PHIP: variants seen among roughly 807,000 people sequenced by gnomAD.
The protein encoded by PHIP is PHIP subunit of CUL4-Ring ligase complex.
Under a neutral mutation model 236.8 loss-of-function variants are expected in PHIP, and 54 were observed. The observed-to-expected ratio is 0.23, with a 90% CI of 0.18 to 0.29. PHIP has a LOEUF of 0.29. PHIP is among the 10% of genes least tolerant of loss of function. PHIP has a pLI of 1.00. For synonymous variants in PHIP, 756 were observed against 718.9 expected (o/e 1.05, Z -0.83); for missense variants, 1,370 against 2,190.8 (o/e 0.63, Z 7.48).
intron 24 of PHIP, among the ~76,000 whole-genome samples, chr6:78,974,128 A>T (rs1439348868): frequency 2.0e-5 from 3 of 151,894 alleles, no homozygotes; most frequent in Non-Finnish European, 4.4e-5. Context: ...ACTTGGAAGT[A>T]AAGCTCTCCT....
chr6:78,966,634 T>C (rs536270644), intron 27 of PHIP, among the ~76,000 whole-genome samples: 144 of 152,314 alleles, frequency 9.5e-4, no homozygotes, highest in Non-Finnish European at 1.4e-3. Context: ...CAGAGGACAC[T>C]CCTTGTGTCT....
chr6:79,059,921 C>T (rs2127771953), intron 6 of PHIP, among the ~76,000 whole-genome samples: 1 of 151,986 alleles, frequency 6.6e-6, no homozygotes, highest in African/African-American at 2.4e-5. Context: ...GTGTTACACA[C>T]TATACTGGGA....
At chr6:78,957,226 A>T (rs1444263146) in intron 32 of PHIP, 1 of 152,054 alleles carries the variant, frequency 6.6e-6, no homozygotes, top group Non-Finnish European at 1.5e-5. Context: ...TTTCACTGAA[A>T]TATGAATATA....
chr6:79,014,386 CTGT>C (rs1188850191), intron 15 of PHIP, among the ~76,000 whole-genome samples: 2 of 151,612 alleles, frequency 1.3e-5, no homozygotes, highest in Non-Finnish European at 3.0e-5. Context: ...ATAGTGGAAA[CTGT>C]TTTTTCTTTT....
At chr6:79,008,379 TAA>T (rs889317773) in intron 15 of PHIP, among the ~76,000 whole-genome samples, 4 of 152,036 alleles carry the variant, frequency 2.6e-5, no homozygotes, top group African/African-American at 9.7e-5. Flanking sequence ...AATTATTATA[TAA>T]AAGTGATTCT....
intron 35 of PHIP, among the ~76,000 whole-genome samples, chr6:78,951,567 T>C (rs139501443): frequency 1.5e-4 from 23 of 152,314 alleles, no homozygotes; most frequent in African/African-American, 5.5e-4. Context: ...TGACAGTAAT[T>C]AACAAAACAA....
chr6:78,969,380 C>A (rs1767371347), intron 27 of PHIP, among the ~76,000 whole-genome samples: 1 of 152,078 alleles, frequency 6.6e-6, no homozygotes, highest in African/African-American at 2.4e-5. Flanking sequence ...AATTAATGCA[C>A]CTTAAGTGCC....
chr6:78,945,519 T>A (rs1415893872), intron 38 of PHIP, 22 bp from the exon 39 acceptor site: 2 of 1,455,020 alleles, frequency 1.4e-6, no homozygotes, highest in Non-Finnish European at 9.6e-7. Flanking sequence ...AAACAAAATT[T>A]AAAAATTAAG....
At chr6:78,962,206 C>T (rs1449690932) in intron 30 of PHIP, among the ~76,000 whole-genome samples, 1 of 151,986 alleles carries the variant, frequency 6.6e-6, no homozygotes, top group African/African-American at 2.4e-5. Flanking sequence ...CAAACGTATC[C>T]CTTTATCTCA....
chr6:78,945,224 TA>T, intron 39 of PHIP, 75 bp downstream of exon 39: 1 of 1,112,048 alleles, frequency 9.0e-7, no homozygotes, highest in Non-Finnish European at 1.4e-6. Flanking sequence ...AAAGTGGATA[TA>T]AATGCTGATT....
intron 15 of PHIP, among the ~76,000 whole-genome samples, chr6:79,009,877 A>T (rs554014496): frequency 0.026 from 3,584 of 139,920 alleles, 58 homozygotes; most frequent in Non-Finnish European, 0.038. Context: ...TATATATATA[A>T]GAGAGATATA....
chr6:78,958,958 A>C (rs1040076783), intron 31 of PHIP, among the ~76,000 whole-genome samples: 1 of 152,058 alleles, frequency 6.6e-6, no homozygotes, highest in Non-Finnish European at 1.5e-5. Flanking sequence ...TTTTTTGGTA[A>C]TAAAGAACCC....
In PHIP at chr6:78,938,733, T is replaced by G. The variant is rs1287879852; in HGVS notation, c.*1960A>C. 6.6e-6 allele frequency: 1 copy of G among 151,684 alleles called. No individual in the cohort carries two copies. Among genetic ancestry groups the G allele is most frequent in the East Asian group, 1.9e-4 (1 of 5,190 alleles). The allele number at this position is 151,684 out of a possible 1,614,324, so 9.4% of individuals were successfully genotyped here. ...TACAAAAAACCTGAAAAATTTGAAATTATTTTTCAACTGCAAAATCTCAGC... is the reference window on the plus strand; with the variant it reads ...TACAAAAAACCTGAAAAATTTGAAAGTATTTTTCAACTGCAAAATCTCAGC... On this transcript the variant is annotated 3_prime_UTR_variant, in exon 40 of 40. Transcript: ENST00000275034.
chr6:78,993,254 CATAAAAGT>C (rs1248129041), intron 19 of PHIP, among the ~76,000 whole-genome samples: 1 of 152,222 alleles, frequency 6.6e-6, no homozygotes, highest in Non-Finnish European at 1.5e-5. Flanking sequence ...ACCTGTGTAA[CATAAAAGT>C]GTAGGGTGAA....
chr6:79,038,052 T>C (rs1459904890), intron 7 of PHIP, among the ~76,000 whole-genome samples: 2 of 152,238 alleles, frequency 1.3e-5, no homozygotes, highest in African/African-American at 4.8e-5. Context: ...AAGTTTAGTT[T>C]ATATTAAGTG....
chr6:79,031,316 T>A (rs1771662509), intron 7 of PHIP, among the ~76,000 whole-genome samples: 1 of 152,222 alleles, frequency 6.6e-6, no homozygotes, highest in African/African-American at 2.4e-5. Context: ...TTTGTTTATA[T>A]CAAACTTAGC....
At chr6:78,969,715 C>G in intron 27 of PHIP, 120 bp downstream of exon 27, 2 of 537,642 alleles carry the variant, frequency 3.7e-6, no homozygotes, top group Non-Finnish European at 6.4e-6. Context: ...TATTAACATT[C>G]CTACAAATAG....
rs1203738547 is a variant in PHIP, at chr6:78,944,190, AC to A, written c.4828+1109del. Among the ~76,000 whole-genome samples the A allele has an allele frequency of 5.3e-5, 8 of 152,246 alleles. No individual in the cohort carries two copies. In the East Asian group the frequency reaches 1.5e-3, roughly 29 times the overall value. On this transcript the variant is annotated intron_variant, in intron 39 of 39. Coordinates refer to ENST00000275034, the MANE Select transcript of PHIP (RefSeq NM_017934.7). ...TCTAAGTGTTTAGGATGACTGGGAT[AC>A]AAAAGAGAGAAAGAAGGTAAAAGAA...
At chr6:79,039,122 G>A (rs1772083912) in intron 7 of PHIP, among the ~76,000 whole-genome samples, 1 of 152,106 alleles carries the variant, frequency 6.6e-6, no homozygotes, top group Admixed American at 6.5e-5. Flanking sequence ...TAATGCAAAA[G>A]GGTTCAATGA....
Sources: allele counts gnomAD v4.1 joint callset (sites outside exome capture counted in the v4.1 genomes callset), GRCh38; gene constraint gnomAD v4.1.1; transcripts MANE v1.5; gene names NCBI Gene and HGNC (gene_info 2026-07-23, HGNC 2026-07-21).